The following PTCD1 variants were observed in gnomAD, a reference collection of about 807,000 sequenced individuals.
PTCD1 encodes pentatricopeptide repeat-containing protein 1, mitochondrial.
Under a neutral mutation model 53.4 loss-of-function variants are expected in PTCD1, and 50 were observed. The observed-to-expected ratio is 0.94, with a 90% CI of 0.75 to 1.19. PTCD1 has a LOEUF of 1.19. Among genes scored for constraint, PTCD1 ranks in the 50% most tolerant of loss-of-function variants. PTCD1 has a pLI of 0.00. For synonymous variants in PTCD1, 413 were observed against 394.8 expected, an observed-to-expected ratio of 1.05 and a Z score of -0.55; for missense variants, 918 against 904.8, an observed-to-expected ratio of 1.01 and a Z score of -0.19.
chr7:99,429,288 GGAGGCCAAGGCAGGATGATCACTT>G, intron 4 of PTCD1, 84 bp from the exon 5 acceptor site: 1 of 1,530,978 alleles, frequency 6.5e-7, no homozygotes, highest in Non-Finnish European at 9.0e-7. Flanking sequence ...TGGCACATTG[GGAGGCCAAGGCAGGATGATCACTT>G]GAGGCCAGGA....
At chr7:99,432,864 A>G in intron 3 of PTCD1, 1 of 315,366 alleles carries the variant, frequency 3.2e-6, no homozygotes, top group Middle Eastern at 1.1e-3. Flanking sequence ...GCCTAGACAA[A>G]GCAGCACAAT....
At chr7:99,427,193 C>T (rs1796072451) in intron 5 of PTCD1, among the ~76,000 whole-genome samples, 1 of 148,894 alleles carries the variant, frequency 6.7e-6, no homozygotes. Context: ...TGGTCAGCCC[C>T]CTGCCCGGCC....
chr7:99,433,140 C>T, intron 3 of PTCD1, 138 bp downstream of exon 3: 2 of 1,364,412 alleles, frequency 1.5e-6, no homozygotes, highest in Non-Finnish European at 2.1e-6. Flanking sequence ...CCCACAATCA[C>T]CACCATTTTA....
Position 99,425,517 on chromosome 7 carries a change from C to T in PTCD1, c.1015G>A (p.Val339Met). The T allele has an allele frequency of 6.2e-7, 1 of 1,612,284 alleles. No homozygotes were observed. Among genetic ancestry groups the T allele is most frequent in the South Asian group, 1.1e-5 (1 of 91,032 alleles). Residue 339 changes from valine (V) to methionine (M), a missense_variant, in exon 6 of 8, where the codon GTG (valine) becomes ATG (methionine). By Grantham distance (21) the Val-to-Met change is conservative. Coordinates refer to ENST00000292478, the MANE Select transcript of PTCD1 (RefSeq NM_015545.4). ...GGCTTCAGAAGCAGCTCTGAGGCCA[C>T]CTGGGGGTCCCCTAGGCCACAGTCC... ...ARDCGLGDPQ[V>M]ASELLLKPRE...
At position 99,417,624 on chromosome 7, in the gene PTCD1, G is replaced by T; in HGVS notation, c.*2343C>A. The T allele has an allele frequency of 6.2e-7, 1 of 1,607,046 alleles. No homozygotes were observed. Among genetic ancestry groups the T allele is most frequent in the Non-Finnish European group, 8.5e-7 (1 of 1,179,870 alleles). On this transcript the variant is annotated 3_prime_UTR_variant, in exon 8 of 8. Coordinates refer to ENST00000292478, the MANE Select transcript of PTCD1 (RefSeq NM_015545.4). ...ATGTCTGACACTCAAGCTTGGTGTT[G>T]TTTTCAGCTCAAAATTCTGCCTTAG...
At chr7:99,437,555 G>A (rs995877999) in intron 1 of PTCD1, among the ~76,000 whole-genome samples, 10 of 152,184 alleles carry the variant, frequency 6.6e-5, no homozygotes, top group Admixed American at 4.6e-4. Flanking sequence ...CGCCCGCCTC[G>A]GCCTCCCGAA....
At chr7:99,432,007 C>CGCCATTCTCCAATCT (rs1796273249) in intron 3 of PTCD1, among the ~76,000 whole-genome samples, 1 of 152,158 alleles carries the variant, frequency 6.6e-6, no homozygotes, top group Non-Finnish European at 1.5e-5. Context: ...TAAAAGTCAT[C>CGCCATTCTCCAATCT]GCCATTCTCC....
chr7:99,434,065 A>C (rs549834970), intron 2 of PTCD1, among the ~76,000 whole-genome samples: 5 of 134,820 alleles, frequency 3.7e-5, no homozygotes, highest in Admixed American at 2.4e-4. Flanking sequence ...AAAAAAAAAA[A>C]AACAAAAAAA....
Position 99,419,619 on chromosome 7 carries a change from C to T in PTCD1, c.*348G>A. 1 of 824,872 alleles carries T rather than the reference C, an allele frequency of 1.2e-6. No individual in the cohort carries two copies. Among genetic ancestry groups the T allele is most frequent in the Non-Finnish European group, 1.9e-6 (1 of 536,534 alleles). 51.1% of individuals were successfully genotyped at this position (824,872 alleles called of 1,614,324 possible). A position where few individuals can be genotyped will look rare whatever the true frequency, so the allele number is the denominator to read the frequency against. Reference sequence around the variant, plus strand: ...AATAAAATCTTTAAATCTCTCGAGCCCCACGTCTCTTCTTTCAGAGCATCG... The same window carrying T: ...AATAAAATCTTTAAATCTCTCGAGCTCCACGTCTCTTCTTTCAGAGCATCG... On this transcript the variant is annotated 3_prime_UTR_variant, in exon 8 of 8. Coordinates refer to ENST00000292478, the MANE Select transcript of PTCD1 (RefSeq NM_015545.4).
chr7:99,428,976 G>C, intron 5 of PTCD1, 127 bp downstream of exon 5: 1 of 1,193,092 alleles, frequency 8.4e-7, no homozygotes, highest in Non-Finnish European at 1.2e-6. Context: ...TGGCTGCTGG[G>C]TTTTCAGAAA....
At chr7:99,433,225 T>C in intron 3 of PTCD1, 53 bp downstream of exon 3, 1 of 1,613,924 alleles carries the variant, frequency 6.2e-7, no homozygotes, top group East Asian at 2.2e-5. Context: ...ACACTTGGGA[T>C]CCGCCCCCAG....
chr7:99,435,858 C>A lies in PTCD1; in HGVS notation c.-26-590G>T, dbSNP rs562927028. Among the ~76,000 whole-genome samples, 16 of 151,366 alleles carry A rather than the reference C, an allele frequency of 1.1e-4. No individual in the cohort carries two copies. The South Asian group carries it at 2.9e-3, about 28-fold the overall frequency. On this transcript the variant is annotated intron_variant, in intron 1 of 7. Transcript: ENST00000292478. ...ACTGAGGTAGGAGAATCGCTTGAAC[C>A]CAGGAGACGGAGCTTGCAGTGAGCT...
chr7:99,426,735 G>C (rs1447587903), intron 5 of PTCD1, among the ~76,000 whole-genome samples: 1 of 151,064 alleles, frequency 6.6e-6, no homozygotes, highest in African/African-American at 2.4e-5. Flanking sequence ...AGTGAGGAGC[G>C]CCTCTTCCCG....
Position 99,417,086 on chromosome 7 carries a change from T to G in PTCD1, c.*2881A>C. On this transcript the variant is annotated 3_prime_UTR_variant, in exon 8 of 8. Transcript: ENST00000292478. ...ATGCCTTTTTTTTTTTGAGATGGAG[T>G]TTCGCTGTCACCCAGGCTGGAGTCC... 1 of 228,426 alleles carries G rather than the reference T, an allele frequency of 4.4e-6. No individual in the cohort carries two copies. Among genetic ancestry groups the G allele is most frequent in the Non-Finnish European group, 8.8e-6 (1 of 113,560 alleles). 14.1% of individuals were successfully genotyped at this position (228,426 alleles called of 1,614,324 possible). A position where few individuals can be genotyped will look rare whatever the true frequency, so the allele number is the denominator to read the frequency against.
At chr7:99,434,136 C>G (rs1796364695) in intron 2 of PTCD1, among the ~76,000 whole-genome samples, 1 of 151,424 alleles carries the variant, frequency 6.6e-6, no homozygotes, top group Non-Finnish European at 1.5e-5. Context: ...CAAGTGATGA[C>G]AGGTGGTACG....
intron 5 of PTCD1, among the ~76,000 whole-genome samples, chr7:99,428,123 C>A (rs1470167147): frequency 6.6e-6 from 1 of 151,766 alleles, no homozygotes; most frequent in Admixed American, 6.6e-5. Flanking sequence ...AAAAATTGGC[C>A]GGGCGCGGTG....
chr7:99,425,572 G>C lies in PTCD1; in HGVS notation c.960C>G (p.Asp320Glu). Residue 320 changes from aspartate (D) to glutamate (E), a missense_variant, in exon 6 of 8, where the codon GAC (aspartate) becomes GAG (glutamate). By Grantham distance (45) the Asp-to-Glu change is conservative. Coordinates refer to ENST00000292478, the MANE Select transcript of PTCD1 (RefSeq NM_015545.4). ...CTGCCACCAACAGCAGGTTGTAGCT[G>C]TCCCGGCTCGGCTGTAGCCCTAGAC... The part of the protein sequence containing the change: ...MLSLGLQPSR[D>E]SYNLLLVAAR... 1 of 1,611,994 alleles carries C rather than the reference G, an allele frequency of 6.2e-7. No homozygotes were observed. The highest frequency in any genetic ancestry group is 8.5e-7 in the Non-Finnish European group (1 of 1,179,890).
chr7:99,422,406 CA>C (rs1338220871), intron 7 of PTCD1, among the ~76,000 whole-genome samples: 2 of 152,142 alleles, frequency 1.3e-5, no homozygotes, highest in Non-Finnish European at 2.9e-5. Flanking sequence ...TCGATGGACC[CA>C]AAAGCCAAAC....
Position 99,417,834 on chromosome 7 carries a change from C to A in PTCD1, c.*2133G>T. On this transcript the variant is annotated 3_prime_UTR_variant, in exon 8 of 8. Coordinates refer to ENST00000292478, the MANE Select transcript of PTCD1 (RefSeq NM_015545.4). ...CTCCACTTTTGGGCAAATTACTGAA[C>A]CCCTTTCCTCACTTAGGAAATGGTG... is the stretch of plus-strand genomic sequence containing the variant. 1 of 1,463,356 alleles carries A rather than the reference C, an allele frequency of 6.8e-7. No homozygotes were observed. The highest frequency in any genetic ancestry group is 2.6e-5 in the East Asian group (1 of 38,248). 90.6% of individuals were successfully genotyped at this position (1,463,356 alleles called of 1,614,324 possible).
Sources: allele counts gnomAD v4.1 joint callset (sites outside exome capture counted in the v4.1 genomes callset), GRCh38; gene constraint gnomAD v4.1.1; transcripts MANE v1.5; gene names NCBI Gene and HGNC (gene_info 2026-07-23, HGNC 2026-07-21).